The following SLC25A26 variants were observed in gnomAD, a reference collection of about 807,000 sequenced individuals.
The protein encoded by SLC25A26 is mitochondrial S-adenosylmethionine carrier protein.
A neutral mutation model predicts 37.8 loss-of-function variants in SLC25A26; 36 were observed. The ratio of observed to expected loss-of-function variants is 0.95; its 90% CI spans 0.73 to 1.26. The LOEUF (loss-of-function observed/expected upper bound fraction) is 1.26, where lower values mean the gene tolerates loss of function less well. Among genes scored for constraint, SLC25A26 ranks in the 50% most tolerant of loss-of-function variants. The pLI is 0.00. For synonymous variants in SLC25A26, 129 were observed against 122.5 expected, an observed-to-expected ratio of 1.05 and a Z score of -0.35; for missense variants, 390 against 331.1, an observed-to-expected ratio of 1.18 and a Z score of -1.38.
intron 7 of SLC25A26, among the ~76,000 whole-genome samples, chr3:66,368,269 G>T (rs1284763217): frequency 6.6e-6 from 1 of 152,190 alleles, no homozygotes. Flanking sequence ...CTGAATCTTT[G>T]TAATGCCTTT....
At chr3:66,317,247 T>C (rs2075565114) in intron 5 of SLC25A26, among the ~76,000 whole-genome samples, 1 of 152,222 alleles carries the variant, frequency 6.6e-6, no homozygotes, top group Non-Finnish European at 1.5e-5. Flanking sequence ...TGGGTTTATC[T>C]ACCTTTGATT....
At chr3:66,134,012 T>A (rs2069909248) in intron 1 of SLC25A26, 1 of 152,216 alleles carries the variant, frequency 6.6e-6, no homozygotes, top group Non-Finnish European at 1.5e-5. Flanking sequence ...TTTCTAATAC[T>A]CAGCGCCACC....
At position 66,377,688 on chromosome 3, in the gene SLC25A26, A is replaced by G; in HGVS notation, c.708-2A>G. On this transcript the variant is annotated splice_acceptor_variant, in intron 9 of 9. Coordinates refer to ENST00000354883, the MANE Select transcript of SLC25A26 (RefSeq NM_001379210.1). LOFTEE classifies it high-confidence loss of function. ...CATTAAAAATCCTGTTTTTTCCCCTAGATTATTTGCAGGTGTCTTCCCTCG... is the reference window on the plus strand; with the variant it reads ...CATTAAAAATCCTGTTTTTTCCCCTGGATTATTTGCAGGTGTCTTCCCTCG... 1 of 1,609,812 alleles carries G rather than the reference A, an allele frequency of 6.2e-7. No individual in the cohort carries two copies. The highest frequency in any genetic ancestry group is 8.5e-7 in the Non-Finnish European group (1 of 1,176,788).
intron 7 of SLC25A26, among the ~76,000 whole-genome samples, chr3:66,366,928 C>T (rs1234102706): frequency 6.6e-6 from 1 of 152,138 alleles, no homozygotes; most frequent in Non-Finnish European, 1.5e-5. Flanking sequence ...CAAATGAGAT[C>T]AAATAATCAA....
chr3:66,140,735 G>T (rs887304100), intron 1 of SLC25A26, among the ~76,000 whole-genome samples: 1 of 151,996 alleles, frequency 6.6e-6, no homozygotes, highest in African/African-American at 2.4e-5. Flanking sequence ...AAATTTCCCA[G>T]TTTCTCAGAT....
chr3:66,209,409 A>T (rs1305362615), intron 1 of SLC25A26, among the ~76,000 whole-genome samples: 1 of 140,672 alleles, frequency 7.1e-6, no homozygotes, highest in Non-Finnish European at 1.5e-5. Flanking sequence ...GTATATGTGT[A>T]TATGTATATA....
chr3:66,235,213 C>A (rs1389648525), intron 1 of SLC25A26, among the ~76,000 whole-genome samples: 1 of 152,086 alleles, frequency 6.6e-6, no homozygotes, highest in African/African-American at 2.4e-5. Context: ...TTCTTTGATG[C>A]TCTTCGTGTT....
intron 5 of SLC25A26, among the ~76,000 whole-genome samples, chr3:66,305,632 G>A (rs956002854): frequency 6.6e-6 from 1 of 151,530 alleles, no homozygotes; most frequent in African/African-American, 2.4e-5. Context: ...CCCTGTGAAA[G>A]GCCCCAGAGT....
intron 1 of SLC25A26, among the ~76,000 whole-genome samples, chr3:66,203,450 T>A (rs915568593): frequency 6.6e-6 from 1 of 152,064 alleles, no homozygotes; most frequent in Admixed American, 6.6e-5. Flanking sequence ...TTGTAATTTC[T>A]AAAAGAAAAA....
intron 1 of SLC25A26, among the ~76,000 whole-genome samples, chr3:66,184,918 A>C (rs2070796687): frequency 6.6e-6 from 1 of 152,208 alleles, no homozygotes; most frequent in East Asian, 1.9e-4. Flanking sequence ...ATTCACACTG[A>C]TCATCAAACT....
chr3:66,215,751 A>G (rs1308808224), intron 1 of SLC25A26, among the ~76,000 whole-genome samples: 1 of 152,148 alleles, frequency 6.6e-6, no homozygotes, highest in Non-Finnish European at 1.5e-5. Flanking sequence ...TTTCCATTTT[A>G]TATATTTACT....
intron 1 of SLC25A26, among the ~76,000 whole-genome samples, chr3:66,228,668 A>G (rs561050955): frequency 2.6e-5 from 4 of 152,314 alleles, no homozygotes; most frequent in East Asian, 3.9e-4. Context: ...ACTTAATTAT[A>G]TAATTCCAAG....
rs2071533159 is a variant in SLC25A26 at position 66,222,263 on chromosome 3, C to T, written c.33+1136C>T. On this transcript the variant is annotated intron_variant, in intron 1 of 9. Coordinates refer to ENST00000354883, the MANE Select transcript of SLC25A26 (RefSeq NM_001379210.1). ...TGGCGCCATCTCGGCTCACTGCAGG[C>T]TCCACCTCTCGGGTTCACGCCATTC... Among the ~76,000 whole-genome samples the T allele has an allele frequency of 2.6e-5, 4 of 151,416 alleles. No individual in the cohort carries two copies. The South Asian group carries it at 8.4e-4, about 32-fold the overall frequency.
chr3:66,188,064 C>T (rs1213498042), intron 1 of SLC25A26, among the ~76,000 whole-genome samples: 3 of 152,130 alleles, frequency 2.0e-5, no homozygotes, highest in Non-Finnish European at 4.4e-5. Context: ...CCCTGAGACT[C>T]AGCTAACACT....
chr3:66,225,154 C>G (rs960672282), intron 1 of SLC25A26, among the ~76,000 whole-genome samples: 1 of 152,142 alleles, frequency 6.6e-6, no homozygotes, highest in African/African-American at 2.4e-5. Context: ...GGTGGGGACT[C>G]CTTACTGGGG....
intron 1 of SLC25A26, among the ~76,000 whole-genome samples, chr3:66,148,929 A>G (rs1446976593): frequency 6.6e-6 from 1 of 152,198 alleles, no homozygotes; most frequent in Non-Finnish European, 1.5e-5. Context: ...ATGCATCTTA[A>G]CAATCATTTG....
At chr3:66,219,269 G>A (rs902760876), upstream of SLC25A26, among the ~76,000 whole-genome samples, 15 of 152,300 alleles carry the variant, frequency 9.8e-5, no homozygotes, top group South Asian at 2.1e-3. Context: ...TGGCCCTCAA[G>A]ATTCCTGGCC....
intron 1 of SLC25A26, among the ~76,000 whole-genome samples, chr3:66,210,338 G>A (rs1576640896): frequency 6.6e-6 from 1 of 152,008 alleles, no homozygotes; most frequent in East Asian, 1.9e-4. Context: ...AAGCTGGAGT[G>A]GGGTGATGTG....
At chr3:66,363,775 T>G (rs1388824194) in intron 7 of SLC25A26, among the ~76,000 whole-genome samples, 2 of 152,200 alleles carry the variant, frequency 1.3e-5, no homozygotes, top group East Asian at 3.8e-4. Flanking sequence ...TTTTTGTTGT[T>G]GTTGTCGTGA....
Sources: gnomAD v4.1 joint callset for allele counts (sites outside exome capture counted in the v4.1 genomes callset) on GRCh38, gnomAD v4.1.1 for gene constraint, MANE v1.5 for transcripts, NCBI Gene and HGNC (gene_info 2026-07-23, HGNC 2026-07-21) for gene names.